Variants in TRMT9B observed in about 807,000 individuals in gnomAD.
TRMT9B encodes the protein probable tRNA methyltransferase 9B.
Under a neutral mutation model 11.5 loss-of-function variants are expected in TRMT9B, and 16 were observed. The ratio of observed to expected loss-of-function variants is 1.39; its 90% CI spans 0.94 to 2.11. The LOEUF is 2.11. TRMT9B is among the 30% of genes most tolerant of loss of function. The pLI is 0.00. For synonymous variants in TRMT9B, 274 were observed against 192.4 expected, an observed-to-expected ratio of 1.42 and a Z score of -3.51; for missense variants, 941 against 553.8, an observed-to-expected ratio of 1.70 and a Z score of -7.02.
At chr8:12,980,176 G>T (rs1025458781) in intron 1 of TRMT9B, among the ~76,000 whole-genome samples, 26 of 152,218 alleles carry the variant, frequency 1.7e-4, no homozygotes, top group African/African-American at 6.0e-4. Context: ...AAATGAAGTT[G>T]TCAGCGGGGC....
chr8:12,988,050 G>A (rs145278127), intron 1 of TRMT9B, among the ~76,000 whole-genome samples: 62 of 152,294 alleles, frequency 4.1e-4, no homozygotes, highest in African/African-American at 1.4e-3. Context: ...ATTTCTGTGC[G>A]TGTGTTGCTG....
At chr8:13,006,711 C>T in intron 3 of TRMT9B, 1 of 1,222,240 alleles carries the variant, frequency 8.2e-7, no homozygotes, top group Non-Finnish European at 1.0e-6. Context: ...TCTTGTCAAC[C>T]AGATTGGAGT....
Position 13,029,604 on chromosome 8 carries a change from C to G in TRMT9B, c.*7560C>G, listed in dbSNP as rs761488714. On this transcript the variant is annotated 3_prime_UTR_variant, in exon 5 of 5. Transcript: ENST00000524591. ...CATTATTCAGTTCACATAGTCAGCT[C>G]TCACTACACTTCAACAGAACGGGGC... 1 of 164,542 alleles carries G rather than the reference C, an allele frequency of 6.1e-6. No homozygotes were observed. Among genetic ancestry groups the G allele is most frequent in the Non-Finnish European group, 1.5e-5 (1 of 68,120 alleles). The allele number at this position is 164,542 out of a possible 1,614,324, so 10.2% of individuals were successfully genotyped here.
chr8:12,946,201 C>T (rs900806651), intron 1 of TRMT9B, among the ~76,000 whole-genome samples: 7 of 152,102 alleles, frequency 4.6e-5, no homozygotes, highest in African/African-American at 1.4e-4. Flanking sequence ...CTGATACATT[C>T]TTAGGACAGA....
chr8:13,017,059 G>C (rs932988207), intron 4 of TRMT9B, among the ~76,000 whole-genome samples: 1 of 133,718 alleles, frequency 7.5e-6, no homozygotes, highest in Middle Eastern at 4.3e-3. Flanking sequence ...AGGAGGCAGA[G>C]GTTGCAGTGA....
chr8:12,999,927 C>A (rs1585288433), intron 2 of TRMT9B, among the ~76,000 whole-genome samples: 1 of 152,040 alleles, frequency 6.6e-6, no homozygotes, highest in Admixed American at 6.6e-5. Context: ...AACTTTTAAT[C>A]TTTATGAAGA....
At chr8:12,976,585 C>T (rs1007037298) in intron 1 of TRMT9B, among the ~76,000 whole-genome samples, 1 of 150,974 alleles carries the variant, frequency 6.6e-6, no homozygotes, top group African/African-American at 2.4e-5. Context: ...ACTAAAAATA[C>T]AAAAAATAAA....
At chr8:12,972,166 C>T (rs1803736202) in intron 1 of TRMT9B, among the ~76,000 whole-genome samples, 1 of 152,102 alleles carries the variant, frequency 6.6e-6, no homozygotes, top group Admixed American at 6.5e-5. Flanking sequence ...ACAAATGAGG[C>T]AGGATGGCAA....
intron 1 of TRMT9B, among the ~76,000 whole-genome samples, chr8:12,978,518 T>A (rs1224738756): frequency 2.4e-5 from 1 of 41,808 alleles, no homozygotes; most frequent in Non-Finnish European, 5.0e-5. Context: ...GATAGATAGA[T>A]GATAGATAGA....
At chr8:13,012,083 G>T (rs541335182) in intron 3 of TRMT9B, 3 of 985,362 alleles carry the variant, frequency 3.0e-6, no homozygotes, top group East Asian at 2.3e-4. Context: ...TCTTGCCTTG[G>T]ACCAGCTAAC....
intron 1 of TRMT9B, among the ~76,000 whole-genome samples, chr8:12,953,758 A>C (rs1800945603): frequency 6.6e-6 from 1 of 152,190 alleles, no homozygotes. Flanking sequence ...GCTCATAGCA[A>C]GAAAATCACT....
At chr8:13,002,849 G>C (rs1014768548) in intron 2 of TRMT9B, among the ~76,000 whole-genome samples, 1 of 152,070 alleles carries the variant, frequency 6.6e-6, no homozygotes, top group Non-Finnish European at 1.5e-5. Context: ...AGGGGTAGAG[G>C]TGCGGGGACA....
intron 1 of TRMT9B, among the ~76,000 whole-genome samples, chr8:12,980,474 C>G (rs1443825817): frequency 6.6e-6 from 1 of 152,104 alleles, no homozygotes; most frequent in Non-Finnish European, 1.5e-5. Context: ...GTGACTACAC[C>G]ATCTCACGGG....
intron 2 of TRMT9B, 37 bp downstream of exon 2, chr8:12,991,068 A>G (rs1034943568): frequency 1.8e-6 from 2 of 1,086,632 alleles, no homozygotes; most frequent in Admixed American, 7.1e-5. Flanking sequence ...CTCACATACC[A>G]TGAGGTGTTT....
chr8:13,010,399 T>G (rs954448110), intron 3 of TRMT9B: 12 of 983,082 alleles, frequency 1.2e-5, no homozygotes, highest in Non-Finnish European at 1.3e-5. Flanking sequence ...CAGATGGTAA[T>G]ATGACTGTCC....
At chr8:12,959,970 A>G (rs1053477490) in intron 1 of TRMT9B, 2 of 152,226 alleles carry the variant, frequency 1.3e-5, no homozygotes, top group Non-Finnish European at 2.9e-5. Flanking sequence ...GGAAGTAGAC[A>G]CCTGAATGCC....
chr8:12,949,378 C>G (rs1191939127), intron 1 of TRMT9B, among the ~76,000 whole-genome samples: 4 of 152,110 alleles, frequency 2.6e-5, no homozygotes, highest in African/African-American at 9.7e-5. Flanking sequence ...TTATCCTTTC[C>G]TCCTTTTTGC....
At chr8:12,999,251 A>C (rs1368633095) in intron 2 of TRMT9B, among the ~76,000 whole-genome samples, 1 of 149,820 alleles carries the variant, frequency 6.7e-6, no homozygotes, top group Admixed American at 6.7e-5. Context: ...GTGAGCCAAG[A>C]TCATGCCATC....
intron 1 of TRMT9B, chr8:12,958,730 A>C (rs374155706): frequency 2.0e-5 from 3 of 152,198 alleles, no homozygotes; most frequent in African/African-American, 4.8e-5. Flanking sequence ...AGAATTCTCC[A>C]TGTGACATAT....
Sources: allele counts gnomAD v4.1 joint callset (sites outside exome capture counted in the v4.1 genomes callset), GRCh38; gene constraint gnomAD v4.1.1; transcripts MANE v1.5; gene names NCBI Gene and HGNC (gene_info 2026-07-23, HGNC 2026-07-21).